CDH19: variants seen among roughly 807,000 people sequenced by gnomAD.
CDH19 encodes cadherin-19.
CDH19 carries 67 observed loss-of-function variants against 64.2 expected under a neutral mutation model. That is an observed-to-expected ratio of 1.04 (90% confidence interval 0.86 to 1.28). CDH19 has a LOEUF of 1.28. Ranked by LOEUF, CDH19 falls within the 50% of genes most tolerant of loss-of-function variation. The probability of loss-of-function intolerance (pLI) is 0.00; values close to 1 mark genes in which losing one functional copy is unlikely to be tolerated. For missense variants in CDH19, 1,030 were observed against 929.0 expected (o/e 1.11, Z -1.41); for synonymous variants, 346 against 319.3 (o/e 1.08, Z -0.89).
intron 3 of CDH19, among the ~76,000 whole-genome samples, chr18:66,567,945 A>C (rs1256473097): frequency 6.6e-6 from 1 of 151,710 alleles, no homozygotes; most frequent in East Asian, 1.9e-4. Context: ...AAACACAGCC[A>C]CACACAGGTG....
At chr18:66,546,569 C>T (rs1274880916) in intron 5 of CDH19, among the ~76,000 whole-genome samples, 2 of 152,016 alleles carry the variant, frequency 1.3e-5, no homozygotes, top group Non-Finnish European at 2.9e-5. Context: ...TTTACAAGGT[C>T]CTGTCCTAGA....
intron 3 of CDH19, among the ~76,000 whole-genome samples, chr18:66,561,283 C>T (rs1037309260): frequency 6.6e-6 from 1 of 152,036 alleles, no homozygotes; most frequent in Non-Finnish European, 1.5e-5. Context: ...GCTTCTAGGA[C>T]ATGATGACAG....
At chr18:66,592,386 G>T (rs544971975) in intron 1 of CDH19, among the ~76,000 whole-genome samples, 8 of 151,812 alleles carry the variant, frequency 5.3e-5, no homozygotes, top group Non-Finnish European at 1.2e-4. Context: ...TATGTGTTAG[G>T]AACATTCTGA....
intron 1 of CDH19, among the ~76,000 whole-genome samples, chr18:66,596,548 C>G (rs1248735483): frequency 6.6e-6 from 1 of 151,972 alleles, no homozygotes; most frequent in East Asian, 1.9e-4. Flanking sequence ...CAATCCCACT[C>G]AAATAGCCAC....
At chr18:66,563,287 T>G (rs974131611) in intron 3 of CDH19, among the ~76,000 whole-genome samples, 16 of 152,068 alleles carry the variant, frequency 1.1e-4, no homozygotes, top group African/African-American at 3.1e-4. Flanking sequence ...GATTTCAAAA[T>G]GACATTTACT....
Position 66,543,980 on chromosome 18 carries a change from G to A in CDH19, c.1205C>T (p.Ser402Phe). 6.2e-7 allele frequency: 1 copy of A among 1,610,084 alleles called. No homozygotes were observed. Among genetic ancestry groups the A allele is most frequent in the East Asian group, 2.2e-5 (1 of 44,860 alleles). The change falls in exon 7 of 12, where the codon TCT becomes TTT. Residue 402 changes from serine to phenylalanine, a missense_variant. Transcript: ENST00000262150. ...GACCTTACAGACATACCTGATAGGA[G>A]ATTTCCTATTGTCTGGGTCTGTGGC... ...VSATDPDNRK[S>F]PIRYSITRSK... is the part of the protein sequence containing the mutation.
At chr18:66,520,546 A>G (rs1985939728) in intron 9 of CDH19, among the ~76,000 whole-genome samples, 1 of 152,102 alleles carries the variant, frequency 6.6e-6, no homozygotes, top group Admixed American at 6.5e-5. Flanking sequence ...CAAAGAAAAT[A>G]TTGTAAAGCA....
intron 3 of CDH19, among the ~76,000 whole-genome samples, chr18:66,555,307 A>G (rs1187070448): frequency 6.6e-6 from 1 of 151,774 alleles, no homozygotes; most frequent in African/African-American, 2.4e-5. Context: ...TACTGTGTCA[A>G]TAAGAATAGC....
intron 7 of CDH19, among the ~76,000 whole-genome samples, chr18:66,537,866 C>A (rs551303929): frequency 6.6e-6 from 1 of 151,972 alleles, no homozygotes; most frequent in Non-Finnish European, 1.5e-5. Context: ...TATACCCATG[C>A]GTACAAACAC....
At chr18:66,524,564 ATATAT>A (rs1568177998) in intron 9 of CDH19, among the ~76,000 whole-genome samples, 36 of 142,946 alleles carry the variant, frequency 2.5e-4, no homozygotes, top group Non-Finnish European at 4.8e-4. Flanking sequence ...ATATATATAT[ATATAT>A]AAACATCATC....
At chr18:66,588,970 A>T (rs1389273400) in intron 1 of CDH19, among the ~76,000 whole-genome samples, 1 of 151,740 alleles carries the variant, frequency 6.6e-6, no homozygotes, top group African/African-American at 2.4e-5. Context: ...TAATAACAAC[A>T]CAAGAAAAAA....
chr18:66,527,534 G>A (rs1414594745), intron 9 of CDH19, among the ~76,000 whole-genome samples: 1 of 152,046 alleles, frequency 6.6e-6, no homozygotes, highest in Non-Finnish European at 1.5e-5. Context: ...AGATCACGAG[G>A]TCAGGAGTTT....
chr18:66,572,020 T>C lies in CDH19; in HGVS notation c.185A>G (p.His62Arg). The C allele has an allele frequency of 6.2e-7, 1 of 1,607,754 alleles. No homozygotes were observed. ...TAAATAAATAAGTACCTGGCCGATG[T>C]GATGACTAGTCGTATTCATTTCCTC... ...VPEEMNTTSH[H>R]IGQLRSDLDN... is the part of the protein sequence containing the mutation. Residue 62 changes from histidine to arginine, a missense_variant, in exon 2 of 12, where the codon CAC becomes CGC. His to Arg is a conservative substitution (Grantham distance 29). Coordinates refer to ENST00000262150, the MANE Select transcript of CDH19 (RefSeq NM_021153.4).
intron 5 of CDH19, among the ~76,000 whole-genome samples, chr18:66,548,272 A>AAAT (rs1384828332): frequency 2.7e-5 from 4 of 147,444 alleles, no homozygotes; most frequent in African/African-American, 9.9e-5. Context: ...TTTTTTTAAA[A>AAAT]ATATATAATA....
At chr18:66,560,234 T>C (rs1987671853) in intron 3 of CDH19, among the ~76,000 whole-genome samples, 1 of 152,098 alleles carries the variant, frequency 6.6e-6, no homozygotes, top group Non-Finnish European at 1.5e-5. Flanking sequence ...GAGCAATGAA[T>C]AGCTGGTAGA....
chr18:66,509,287 A>G lies in CDH19; in HGVS notation c.1577-41T>C, dbSNP rs774065192. ...ATGTGCATAATTTTTTCAACTACGT[A>G]AGAGAAATTTGTATGTAATAGTCAC... On this transcript the variant is annotated intron_variant, in intron 10 of 11. Transcript: ENST00000262150. The G allele has an allele frequency of 1.9e-6, 3 of 1,580,478 alleles. No homozygotes were observed. The South Asian group carries it at 3.4e-5, about 18-fold the overall frequency.
At chr18:66,538,045 A>C (rs1026110853) in intron 7 of CDH19, among the ~76,000 whole-genome samples, 18 of 152,176 alleles carry the variant, frequency 1.2e-4, no homozygotes, top group Admixed American at 3.3e-4. Flanking sequence ...TACTATCTAC[A>C]GCATATTTAC....
At chr18:66,565,876 A>T (rs1245389516) in intron 3 of CDH19, among the ~76,000 whole-genome samples, 1 of 151,972 alleles carries the variant, frequency 6.6e-6, no homozygotes. Flanking sequence ...GCATGATTTC[A>T]TACAAAGCCT....
chr18:66,515,317 A>G (rs1209350464), intron 9 of CDH19, among the ~76,000 whole-genome samples: 2 of 151,784 alleles, frequency 1.3e-5, no homozygotes, highest in Non-Finnish European at 3.0e-5. Flanking sequence ...ATCACTTTTT[A>G]TATTACTCTA....
Sources: gnomAD v4.1 joint callset for allele counts (sites outside exome capture counted in the v4.1 genomes callset) on GRCh38, gnomAD v4.1.1 for gene constraint, MANE v1.5 for transcripts, NCBI Gene and HGNC (gene_info 2026-07-23, HGNC 2026-07-21) for gene names.